The following DAB1 variants were observed in gnomAD, a reference collection of about 807,000 sequenced individuals.
The protein encoded by DAB1 is DAB adaptor protein 1.
DAB1 carries 15 observed loss-of-function variants against 64.6 expected under a neutral mutation model. The observed-to-expected ratio is 0.23, with a 90% CI of 0.16 to 0.36. The LOEUF is 0.36. DAB1 is among the 10% of genes least tolerant of loss of function. DAB1 has a pLI of 1.00. For missense variants in DAB1, 596 were observed against 706.7 expected (o/e 0.84, Z 1.78); for synonymous variants, 235 against 251.9 (o/e 0.93, Z 0.64).
At chr1:58,049,124 G>GC in intron 5 of DAB1, 1 of 808,920 alleles carries the variant, frequency 1.2e-6, no homozygotes, top group Admixed American at 1.7e-5. Flanking sequence ...CAAACCCAAA[G>GC]CCCCCGGAGC....
At chr1:58,296,435 A>G (rs1289571557) in intron 4 of DAB1, among the ~76,000 whole-genome samples, 1 of 152,190 alleles carries the variant, frequency 6.6e-6, no homozygotes, top group Non-Finnish European at 1.5e-5. Flanking sequence ...AACAGGAGGT[A>G]GGCAGCTGCG....
At chr1:57,292,818 A>G (rs1672887085) in intron 1 of DAB1, among the ~76,000 whole-genome samples, 2 of 152,148 alleles carry the variant, frequency 1.3e-5, no homozygotes, top group Non-Finnish European at 2.9e-5. Flanking sequence ...CAGTCATGTA[A>G]GGGACGGCAA....
chr1:58,169,739 T>C (rs768842230), intron 4 of DAB1, among the ~76,000 whole-genome samples: 6 of 152,126 alleles, frequency 3.9e-5, no homozygotes, highest in Non-Finnish European at 8.8e-5. Flanking sequence ...CCCATTTCTA[T>C]TGATGATAAG....
chr1:58,366,575 G>A (rs1644219861), intron 3 of DAB1, among the ~76,000 whole-genome samples: 1 of 152,184 alleles, frequency 6.6e-6, no homozygotes, highest in Non-Finnish European at 1.5e-5. Context: ...AGTGAAATAG[G>A]AGTGGATGTA....
chr1:57,789,574 G>C (rs1650498242), intron 6 of DAB1, among the ~76,000 whole-genome samples: 1 of 152,158 alleles, frequency 6.6e-6, no homozygotes, highest in African/African-American at 2.4e-5. Flanking sequence ...GCAGAGAAAA[G>C]GCAAGCAGGC....
At chr1:57,634,827 T>C (rs956954527) in intron 7 of DAB1, among the ~76,000 whole-genome samples, 1 of 152,108 alleles carries the variant, frequency 6.6e-6, no homozygotes, top group African/African-American at 2.4e-5. Context: ...TGAAAATGTT[T>C]TAGAGAAAAG....
At chr1:58,363,835 G>A (rs1644190204) in intron 3 of DAB1, among the ~76,000 whole-genome samples, 1 of 151,458 alleles carries the variant, frequency 6.6e-6, no homozygotes, top group Non-Finnish European at 1.5e-5. Flanking sequence ...CTCTTCTGTT[G>A]CTGCACTGGG....
At chr1:57,190,735 G>T (rs1664055014) in intron 2 of DAB1, among the ~76,000 whole-genome samples, 1 of 152,084 alleles carries the variant, frequency 6.6e-6, no homozygotes. Flanking sequence ...ACCACTCAGA[G>T]ATCATCCCAA....
At chr1:58,494,979 T>C (rs1049059927) in intron 3 of DAB1, among the ~76,000 whole-genome samples, 11 of 152,184 alleles carry the variant, frequency 7.2e-5, no homozygotes, top group East Asian at 5.8e-4. Context: ...CGTATGTTTA[T>C]TGCAGCACTA....
chr1:57,185,394 T>C (rs1485763995), intron 2 of DAB1, among the ~76,000 whole-genome samples: 1 of 152,094 alleles, frequency 6.6e-6, no homozygotes, highest in Non-Finnish European at 1.5e-5. Flanking sequence ...TAAGTGTACA[T>C]GCTTCTGGCT....
At chr1:57,187,700 T>C (rs1374614374) in intron 2 of DAB1, among the ~76,000 whole-genome samples, 1 of 152,102 alleles carries the variant, frequency 6.6e-6, no homozygotes, top group Admixed American at 6.6e-5. Flanking sequence ...TAAAAAGAGG[T>C]TAAGAAACTT....
At chr1:57,609,838 T>A (rs1314965219) in intron 7 of DAB1, among the ~76,000 whole-genome samples, 1 of 152,212 alleles carries the variant, frequency 6.6e-6, no homozygotes, top group East Asian at 1.9e-4. Flanking sequence ...TCTTGTTTAG[T>A]CACTTTAGCA....
intron 2 of DAB1, among the ~76,000 whole-genome samples, chr1:57,245,506 C>T (rs1668800916): frequency 6.6e-6 from 1 of 152,102 alleles, no homozygotes; most frequent in Non-Finnish European, 1.5e-5. Flanking sequence ...TGTTCAATTC[C>T]CACCTATGAG....
rs771884470 is a variant in DAB1, at chr1:57,921,844, C to A, written n.388-37682G>T. 3.3e-5 allele frequency among the ~76,000 whole-genome samples: 5 copies of A among 152,270 alleles called. No individual in the cohort carries two copies. In the South Asian group the frequency reaches 6.2e-4, roughly 19 times the overall value. On this transcript the variant is annotated intron_variant and non_coding_transcript_variant, in intron 5 of 20. Coordinates refer to the DAB1 transcript ENST00000485760. ...AAATTCCCACCATGGCCTCTAAGGA[C>A]CCCAATGGCTGTGGCCACAGCCATC...
At chr1:58,396,044 A>G (rs1644518885) in intron 3 of DAB1, among the ~76,000 whole-genome samples, 1 of 151,982 alleles carries the variant, frequency 6.6e-6, no homozygotes, top group Non-Finnish European at 1.5e-5. Flanking sequence ...TATGCTGGCT[A>G]CAATCTATGT....
upstream of DAB1, among the ~76,000 whole-genome samples, chr1:57,885,928 T>C (rs1644214686): frequency 6.6e-6 from 1 of 152,202 alleles, no homozygotes; most frequent in Non-Finnish European, 1.5e-5. Flanking sequence ...CAAATATAAT[T>C]AATTACAAGC....
intron 2 of DAB1, among the ~76,000 whole-genome samples, chr1:57,182,845 C>G (rs1282540364): frequency 6.6e-6 from 1 of 151,910 alleles, no homozygotes; most frequent in Non-Finnish European, 1.5e-5. Context: ...TATCCAGAGT[C>G]CAGGGCTGTG....
intron 3 of DAB1, among the ~76,000 whole-genome samples, chr1:58,446,501 C>T (rs1042266167): frequency 6.6e-6 from 1 of 152,122 alleles, no homozygotes; most frequent in Non-Finnish European, 1.5e-5. Flanking sequence ...CAGGGACCTT[C>T]CTATTTACTG....
chr1:58,443,973 G>A (rs1645039388), intron 3 of DAB1, among the ~76,000 whole-genome samples: 1 of 152,114 alleles, frequency 6.6e-6, no homozygotes, highest in Admixed American at 6.5e-5. Flanking sequence ...GTAAAATGAA[G>A]GTTATAATAA....
Sources: gnomAD v4.1 joint callset for allele counts (sites outside exome capture counted in the v4.1 genomes callset) on GRCh38, gnomAD v4.1.1 for gene constraint, MANE v1.5 for transcripts, NCBI Gene and HGNC (gene_info 2026-07-23, HGNC 2026-07-21) for gene names.